Variants in FOXP2 observed in about 807,000 individuals in gnomAD.
FOXP2 encodes forkhead box P2.
In FOXP2, 12 loss-of-function variants were observed where a neutral mutation model predicts 115.8. The ratio of observed to expected loss-of-function variants is 0.10; its 90% CI spans 0.07 to 0.17. The LOEUF is 0.17. Among genes scored for constraint, FOXP2 ranks in the 10% least tolerant of loss-of-function variants. The pLI is 1.00. For missense variants in FOXP2, 629 were observed against 843.5 expected (o/e 0.75, Z 3.15); for synonymous variants, 328 against 297.7 (o/e 1.10, Z -1.05).
At chr7:114,570,790 CTCTT>C (rs1407369098) in intron 3 of FOXP2, 1 of 1,605,920 alleles carries the variant, frequency 6.2e-7, no homozygotes, top group Admixed American at 1.7e-5. Context: ...ACTCCTGATT[CTCTT>C]TGTTTAACCT....
intron 2 of FOXP2, among the ~76,000 whole-genome samples, chr7:114,434,770 C>T (rs1165355515): frequency 6.6e-6 from 1 of 151,974 alleles, no homozygotes; most frequent in Non-Finnish European, 1.5e-5. Context: ...TATATATTTT[C>T]TGTATTACAT....
Position 114,644,967 on chromosome 7 carries a change from A to T in FOXP2, c.1094+178A>T, listed in dbSNP as rs1455652822. 7.3e-6 allele frequency: 4 copies of T among 546,422 alleles called. No homozygotes were observed. The East Asian group carries it at 1.2e-4, about 17-fold the overall frequency. 33.8% of individuals were successfully genotyped at this position (546,422 alleles called of 1,614,324 possible). On this transcript the variant is annotated intron_variant, in intron 8 of 16. Transcript: ENST00000350908. ...TAAGATCAGGCTTCATCTTTTCATT[A>T]AGATATTTTACAAATCATTTAGTAA...
chr7:114,400,123 G>A (rs1244083493), intron 2 of FOXP2, among the ~76,000 whole-genome samples: 1 of 152,034 alleles, frequency 6.6e-6, no homozygotes, highest in Non-Finnish European at 1.5e-5. Flanking sequence ...CTCCCAAAGT[G>A]CTAGGATTAC....
intron 2 of FOXP2, among the ~76,000 whole-genome samples, chr7:114,383,812 T>A (rs577198848): frequency 9.8e-5 from 15 of 152,322 alleles, no homozygotes; most frequent in Non-Finnish European, 2.1e-4. Flanking sequence ...AACATAAGGA[T>A]GCCAGCACCC....
chr7:114,183,436 C>A lies in FOXP2; in HGVS notation c.-102+20348C>A, dbSNP rs187520096. On this transcript the variant is annotated intron_variant, in intron 1 of 17. Coordinates refer to the FOXP2 transcript ENST00000634411. ...TCATTTATACAACTAGCATATTAAG[C>A]AATTTCAACAAGTTAATTCAAGACT... 6.7e-3 allele frequency among the ~76,000 whole-genome samples: 1,026 copies of A among 152,156 alleles called. 16 individuals are homozygous for A. The highest frequency in any genetic ancestry group is 0.023 in the African/African-American group (973 of 41,532).
At chr7:114,208,702 G>A (rs1170574698) in intron 1 of FOXP2, among the ~76,000 whole-genome samples, 1 of 152,020 alleles carries the variant, frequency 6.6e-6, no homozygotes, top group Non-Finnish European at 1.5e-5. Flanking sequence ...TCTTCCCCAT[G>A]CTGGTCTCAT....
chr7:114,641,156 TTA>T (rs1805506731), intron 6 of FOXP2, among the ~76,000 whole-genome samples: 1 of 152,202 alleles, frequency 6.6e-6, no homozygotes, highest in Non-Finnish European at 1.5e-5. Context: ...AACTTCTCTC[TTA>T]GTTTGTTTCC....
At chr7:114,186,139 C>T (rs145751220) in intron 1 of FOXP2, among the ~76,000 whole-genome samples, 53 of 152,182 alleles carry the variant, frequency 3.5e-4, no homozygotes, top group Non-Finnish European at 6.3e-4. Context: ...GATTTTTGGA[C>T]GGGACGTATG....
intron 1 of FOXP2, among the ~76,000 whole-genome samples, chr7:114,152,578 T>C (rs1562983296): frequency 6.6e-6 from 1 of 152,290 alleles, no homozygotes; most frequent in African/African-American, 2.4e-5. Context: ...GGTAACAGTC[T>C]CTTGTGGTTG....
intron 3 of FOXP2, among the ~76,000 whole-genome samples, chr7:114,606,023 A>G (rs1210031009): frequency 6.6e-6 from 1 of 152,182 alleles, no homozygotes; most frequent in African/African-American, 2.4e-5. Flanking sequence ...GTATGGAATT[A>G]GAACTTGAGG....
At chr7:114,089,667 A>T (rs1409732273) in intron 1 of FOXP2, among the ~76,000 whole-genome samples, 2 of 151,996 alleles carry the variant, frequency 1.3e-5, no homozygotes, top group Non-Finnish European at 2.9e-5. Context: ...AAAAAAAAAT[A>T]AGATAAACCT....
intron 2 of FOXP2, among the ~76,000 whole-genome samples, chr7:114,427,840 A>G (rs998464104): frequency 7.9e-5 from 12 of 151,804 alleles, no homozygotes; most frequent in Middle Eastern, 3.4e-3. Context: ...GTTTTCAAGA[A>G]TAATCTTTTA....
intron 2 of FOXP2, among the ~76,000 whole-genome samples, chr7:114,400,007 G>A (rs1792846798): frequency 6.6e-6 from 1 of 151,686 alleles, no homozygotes; most frequent in Non-Finnish European, 1.5e-5. Context: ...CAGGCGCCTG[G>A]TACCGCACCT....
At chr7:114,274,603 C>CCTT (rs1796139497) in intron 1 of FOXP2, among the ~76,000 whole-genome samples, 17 of 42,550 alleles carry the variant, frequency 4.0e-4, no homozygotes, top group African/African-American at 1.5e-3. Flanking sequence ...CCTCTCAAAG[C>CCTT]TTTTTTTTTT....
intron 8 of FOXP2, among the ~76,000 whole-genome samples, chr7:114,649,106 G>C (rs956405572): frequency 1.3e-5 from 2 of 152,020 alleles, no homozygotes; most frequent in African/African-American, 4.8e-5. Flanking sequence ...GTTAGTGATT[G>C]CATGGGTAAT....
At chr7:114,451,723 A>C (rs925731929) in intron 2 of FOXP2, among the ~76,000 whole-genome samples, 7 of 152,050 alleles carry the variant, frequency 4.6e-5, no homozygotes, top group African/African-American at 1.7e-4. Flanking sequence ...ATAAAAGTAA[A>C]TAGTAAGTAA....
intron 2 of FOXP2, among the ~76,000 whole-genome samples, chr7:114,492,342 T>C (rs1388115948): frequency 6.6e-6 from 1 of 152,194 alleles, no homozygotes; most frequent in Non-Finnish European, 1.5e-5. Flanking sequence ...ATCAATTTTG[T>C]TGATCTTTTC....
intron 3 of FOXP2, among the ~76,000 whole-genome samples, chr7:114,548,786 C>G (rs1168278635): frequency 1.3e-5 from 2 of 152,084 alleles, no homozygotes; most frequent in East Asian, 3.9e-4. Flanking sequence ...TCTGATGGAA[C>G]ATATGTAAGC....
At chr7:114,445,311 C>T (rs919811074) in intron 2 of FOXP2, among the ~76,000 whole-genome samples, 7 of 152,072 alleles carry the variant, frequency 4.6e-5, no homozygotes, top group Non-Finnish European at 1.0e-4. Flanking sequence ...CCTTTTTATT[C>T]CCTGTAAATA....
Sources: gnomAD v4.1 joint callset for allele counts (sites outside exome capture counted in the v4.1 genomes callset) on GRCh38, gnomAD v4.1.1 for gene constraint, MANE v1.5 for transcripts, NCBI Gene and HGNC (gene_info 2026-07-23, HGNC 2026-07-21) for gene names.